Variants in SNTB1 observed in about 807,000 individuals in gnomAD.
SNTB1 encodes the protein beta-1-syntrophin.
A neutral mutation model predicts 48.9 loss-of-function variants in SNTB1; 36 were observed. The observed-to-expected ratio is 0.74, with a 90% CI of 0.56 to 0.97. The LOEUF (loss-of-function observed/expected upper bound fraction) is 0.97, where lower values mean the gene tolerates loss of function less well. Among genes scored for constraint, SNTB1 ranks in the 50% least tolerant of loss-of-function variants. The probability of loss-of-function intolerance (pLI) is 0.00; values close to 1 mark genes in which losing one functional copy is unlikely to be tolerated. For synonymous variants in SNTB1, 299 were observed against 294.6 expected (o/e 1.01, Z -0.15); for missense variants, 786 against 703.4 (o/e 1.12, Z -1.33).
intron 1 of SNTB1, among the ~76,000 whole-genome samples, chr8:120,790,492 A>C (rs1453430182): frequency 6.6e-6 from 1 of 151,634 alleles, no homozygotes. Context: ...ATCCCTAAAA[A>C]CTCTTCCGAG....
chr8:120,706,870 A>C (rs1818385486), intron 1 of SNTB1, among the ~76,000 whole-genome samples: 1 of 152,206 alleles, frequency 6.6e-6, no homozygotes, highest in African/African-American at 2.4e-5. Context: ...CAGAGTCATA[A>C]AGCTTTTCCA....
intron 1 of SNTB1, among the ~76,000 whole-genome samples, chr8:120,797,546 C>CTTTTTTTTTTTTTTTTTTTT (rs60374035): frequency 1.4e-4 from 10 of 69,090 alleles, no homozygotes; most frequent in African/African-American, 5.6e-4. Flanking sequence ...ACTTGTTTCT[C>CTTTTTTTTTTTTTTTTTTTT]TTTTTTTTTT....
At chr8:120,655,114 C>A in intron 2 of SNTB1, 2 of 299,462 alleles carry the variant, frequency 6.7e-6, no homozygotes, top group East Asian at 1.2e-4. Flanking sequence ...GTTTTTATTT[C>A]CACCTTTCTG....
chr8:120,799,729 A>G (rs1292516080), intron 1 of SNTB1, among the ~76,000 whole-genome samples: 2 of 151,968 alleles, frequency 1.3e-5, no homozygotes, highest in African/African-American at 2.4e-5. Context: ...AGAGGTCCCA[A>G]TTTTCTGGGT....
intron 2 of SNTB1, among the ~76,000 whole-genome samples, chr8:120,685,597 T>A (rs1044191348): frequency 1.3e-5 from 2 of 152,130 alleles, no homozygotes; most frequent in Non-Finnish European, 2.9e-5. Context: ...GCCTTCAGGG[T>A]CATTCTTCCA....
chr8:120,791,650 G>A (rs1250652568), intron 1 of SNTB1, among the ~76,000 whole-genome samples: 1 of 151,772 alleles, frequency 6.6e-6, no homozygotes, highest in Non-Finnish European at 1.5e-5. Flanking sequence ...AATACTTGAA[G>A]CTATGAATTT....
chr8:120,762,208 C>T lies in SNTB1; in HGVS notation c.571+49065G>A, dbSNP rs574094854. On this transcript the variant is annotated intron_variant, in intron 1 of 6. Transcript: ENST00000517992. ...ACACATAAAAGAGCACTAATAGCAC[C>T]AGCTGGCACGGGGCATGAGACACAC... Among the ~76,000 whole-genome samples the T allele has an allele frequency of 2.6e-5, 4 of 152,256 alleles. No individual in the cohort carries two copies. In the South Asian group the frequency reaches 8.3e-4, roughly 32 times the overall value.
At chr8:120,789,615 CA>C (rs1487637708) in intron 1 of SNTB1, among the ~76,000 whole-genome samples, 1 of 151,776 alleles carries the variant, frequency 6.6e-6, no homozygotes, top group Non-Finnish European at 1.5e-5. Context: ...TCTATGCACA[CA>C]AACAAAAAAA....
intron 3 of SNTB1, among the ~76,000 whole-genome samples, chr8:120,589,662 C>T (rs1816206572): frequency 6.6e-6 from 1 of 152,144 alleles, no homozygotes; most frequent in Non-Finnish European, 1.5e-5. Flanking sequence ...TCATTGTATC[C>T]TCATATGGTG....
At chr8:120,766,555 A>C (rs368256270) in intron 1 of SNTB1, among the ~76,000 whole-genome samples, 1 of 152,170 alleles carries the variant, frequency 6.6e-6, no homozygotes, top group Non-Finnish European at 1.5e-5. Flanking sequence ...CTCACTTTCT[A>C]AAAATTCATT....
chr8:120,685,457 C>A (rs1818014584), intron 2 of SNTB1, among the ~76,000 whole-genome samples: 1 of 152,206 alleles, frequency 6.6e-6, no homozygotes, highest in South Asian at 2.1e-4. Context: ...TTCCAGAGGG[C>A]AGCCTAAGCC....
chr8:120,559,027 A>G (rs1815612108), intron 4 of SNTB1, among the ~76,000 whole-genome samples: 1 of 152,216 alleles, frequency 6.6e-6, no homozygotes, highest in Non-Finnish European at 1.5e-5. Flanking sequence ...TTTGTGATTA[A>G]TGACTACTAC....
chr8:120,702,901 G>A (rs903276979), intron 1 of SNTB1, among the ~76,000 whole-genome samples: 3 of 152,172 alleles, frequency 2.0e-5, no homozygotes, highest in African/African-American at 7.2e-5. Flanking sequence ...AAATGAGGAT[G>A]CATAGCCATT....
At chr8:120,810,185 C>T (rs1487957253) in intron 1 of SNTB1, among the ~76,000 whole-genome samples, 3 of 152,102 alleles carry the variant, frequency 2.0e-5, no homozygotes, top group African/African-American at 4.8e-5. Context: ...CTCCAGATAC[C>T]GCAATCTACA....
At chr8:120,642,888 G>A (rs1817219367) in intron 2 of SNTB1, among the ~76,000 whole-genome samples, 2 of 152,190 alleles carry the variant, frequency 1.3e-5, no homozygotes, top group African/African-American at 4.8e-5. Flanking sequence ...TCCAGCCTGG[G>A]TGACAGAGCA....
intron 4 of SNTB1, among the ~76,000 whole-genome samples, chr8:120,556,199 G>A (rs1815564299): frequency 6.6e-6 from 1 of 152,180 alleles, no homozygotes; most frequent in Admixed American, 6.5e-5. Context: ...TTAAGCTCCA[G>A]TTTTGGGGAG....
intron 3 of SNTB1, among the ~76,000 whole-genome samples, chr8:120,586,679 G>A (rs906936613): frequency 3.3e-5 from 5 of 152,148 alleles, no homozygotes; most frequent in African/African-American, 9.7e-5. Context: ...ACACATCACA[G>A]GTTCTGGGGG....
intron 1 of SNTB1, among the ~76,000 whole-genome samples, chr8:120,779,168 G>T (rs1250700784): frequency 2.6e-5 from 4 of 152,144 alleles, no homozygotes; most frequent in Non-Finnish European, 4.4e-5. Context: ...GCAGGCAAAT[G>T]ACATGATCAC....
chr8:120,605,119 C>T (rs4338145), intron 3 of SNTB1, among the ~76,000 whole-genome samples: 2 of 151,940 alleles, frequency 1.3e-5, no homozygotes, highest in East Asian at 1.9e-4. Context: ...CCTTTGTGTA[C>T]GAGGAATGCC....
Sources: allele counts gnomAD v4.1 joint callset (sites outside exome capture counted in the v4.1 genomes callset), GRCh38; gene constraint gnomAD v4.1.1; transcripts MANE v1.5; gene names NCBI Gene and HGNC (gene_info 2026-07-23, HGNC 2026-07-21).